Variants in RAP1GAP2 observed in about 807,000 individuals in gnomAD.
The protein encoded by RAP1GAP2 is RAP1 GTPase activating protein 2, also known as rap1 GTPase-activating protein 2.
A neutral mutation model predicts 95.0 loss-of-function variants in RAP1GAP2; 27 were observed. That is an observed-to-expected ratio of 0.28 (90% CI 0.21 to 0.39). The LOEUF (loss-of-function observed/expected upper bound fraction) is 0.39, where lower values mean the gene tolerates loss of function less well. RAP1GAP2 is among the 10% of genes least tolerant of loss of function. RAP1GAP2 has a pLI of 1.00. For synonymous variants in RAP1GAP2, 373 were observed against 380.9 expected (o/e 0.98, Z 0.24); for missense variants, 771 against 970.0 (o/e 0.79, Z 2.72).
chr17:2,861,662 C>T (rs182879653), intron 2 of RAP1GAP2, among the ~76,000 whole-genome samples: 163 of 136,822 alleles, frequency 1.2e-3, no homozygotes, highest in Admixed American at 4.6e-3. Context: ...GGGGGGGGGA[C>T]GGAGTCTCGC....
chr17:2,871,476 G>A lies in RAP1GAP2; in HGVS notation c.81-33808G>A, dbSNP rs1163076546. ...AGTGGTGTTGTGTTACAAGAGTCCT[G>A]TCCAGCGGGAGAGGGGCAGTTCCCT... On this transcript the variant is annotated intron_variant, in intron 2 of 24. Coordinates refer to ENST00000254695, the MANE Select transcript of RAP1GAP2 (RefSeq NM_015085.5). The surrounding 1 kb of genome is among the most constrained non-coding windows in gnomAD (Gnocchi z 5.0). Among the ~76,000 whole-genome samples the A allele has an allele frequency of 6.6e-6, 1 of 152,180 alleles. No individual in the cohort carries two copies. Among genetic ancestry groups the A allele is most frequent in the Non-Finnish European group, 1.5e-5 (1 of 68,038 alleles).
chr17:2,940,084 T>C (rs748454642), intron 3 of RAP1GAP2, among the ~76,000 whole-genome samples: 8 of 152,020 alleles, frequency 5.3e-5, no homozygotes, highest in African/African-American at 1.2e-4. Flanking sequence ...TTTTCGTGAG[T>C]GTCCCTGGGC....
At chr17:2,905,460 C>A in intron 3 of RAP1GAP2, 92 bp downstream of exon 3, 1 of 1,281,442 alleles carries the variant, frequency 7.8e-7, no homozygotes, top group Non-Finnish European at 1.1e-6. Context: ...CCAGCAGCGT[C>A]CGTCGCAGTG....
Position 3,026,991 on chromosome 17 carries a change from C to G in RAP1GAP2, c.2028C>G (p.Val676=), listed in dbSNP as rs1487370230. The G allele has an allele frequency of 6.4e-7, 1 of 1,557,734 alleles. No homozygotes were observed. The highest frequency in any genetic ancestry group is 1.4e-5 in the African/African-American group (1 of 73,432). Residue 676 remains valine (V), a synonymous_variant, in exon 22 of 25, where the codon GTC becomes GTG. Transcript: ENST00000254695. ...TTSPFKQEVF[V]YSPSPSSESP... The stretch of plus-strand genomic sequence containing the variant: ...CACCCTTCAAGCAGGAGGTGTTTGT[C>G]TACAGCCCGTCCCCGAGCAGCGAGA...
At chr17:2,767,478 C>G (rs775241794) in intron 1 of RAP1GAP2, among the ~76,000 whole-genome samples, 2 of 151,866 alleles carry the variant, frequency 1.3e-5, no homozygotes, top group South Asian at 4.1e-4. Context: ...TCTCTCTTCC[C>G]CCAACCCAGG....
chr17:2,775,318 G>A (rs541134106), upstream of RAP1GAP2, among the ~76,000 whole-genome samples: 53 of 152,282 alleles, frequency 3.5e-4, no homozygotes, highest in African/African-American at 1.2e-3. Context: ...TGACCAGCGT[G>A]CTGAAGAAAC....
intron 2 of RAP1GAP2, among the ~76,000 whole-genome samples, chr17:2,853,327 T>A (rs1012850440): frequency 6.7e-6 from 1 of 150,092 alleles, no homozygotes; most frequent in African/African-American, 2.5e-5. Flanking sequence ...GCGCGGGCAG[T>A]TTCGTTTGGA....
Position 2,914,622 on chromosome 17 carries a change from C to G in RAP1GAP2, c.165+9254C>G, listed in dbSNP as rs570767842. Among the ~76,000 whole-genome samples, 328 of 152,080 alleles carry G rather than the reference C, an allele frequency of 2.2e-3. 2 individuals are homozygous for G. Among genetic ancestry groups the G allele is most frequent in the African/African-American group, 7.3e-3 (303 of 41,494 alleles). ...TCTCCTGCCTCAGCCTCCCGAGTAG[C>G]TGGGACTACAGGCGCCCGCCACCAC... On this transcript the variant is annotated intron_variant, in intron 3 of 24. Coordinates refer to ENST00000254695, the MANE Select transcript of RAP1GAP2 (RefSeq NM_015085.5).
intron 2 of RAP1GAP2, among the ~76,000 whole-genome samples, chr17:2,821,161 ATGCG>A (rs2070287948): frequency 6.6e-6 from 1 of 151,984 alleles, no homozygotes; most frequent in Non-Finnish European, 1.5e-5. Context: ...AGGCCCAGGG[ATGCG>A]CTTCTCTTCA....
chr17:2,955,946 GTCTT>G (rs2044089457), intron 3 of RAP1GAP2, among the ~76,000 whole-genome samples: 1 of 152,212 alleles, frequency 6.6e-6, no homozygotes, highest in African/African-American at 2.4e-5. Context: ...GAGCCTGTCT[GTCTT>G]TGTGCACATT....
intron 8 of RAP1GAP2, among the ~76,000 whole-genome samples, chr17:2,966,140 C>T (rs557686017): frequency 6.6e-6 from 1 of 152,300 alleles, no homozygotes; most frequent in African/African-American, 2.4e-5. Flanking sequence ...GAAGCCAGGG[C>T]ACCTCTCTCT....
At position 2,816,236 on chromosome 17, in the gene RAP1GAP2, GT is replaced by G. The variant is rs771052650; in HGVS notation, c.80+15698del. ...CCATACAGAGGTGCTGTTTTGTTTTGTTTTTTTTTTTTCTTAGGATAATGAC... is the reference window on the plus strand; with the variant it reads ...CCATACAGAGGTGCTGTTTTGTTTTGTTTTTTTTTTTCTTAGGATAATGAC... On this transcript the variant is annotated intron_variant, in intron 2 of 24. Coordinates refer to ENST00000254695, the MANE Select transcript of RAP1GAP2 (RefSeq NM_015085.5). 5.8e-3 allele frequency among the ~76,000 whole-genome samples: 837 copies of G among 145,256 alleles called. 8 individuals carry two copies. Among genetic ancestry groups the G allele is most frequent in the African/African-American group, 0.016 (628 of 39,778 alleles).
chr17:2,913,775 A>G (rs930885229), intron 3 of RAP1GAP2, among the ~76,000 whole-genome samples: 2 of 152,210 alleles, frequency 1.3e-5, no homozygotes, highest in African/African-American at 4.8e-5. Flanking sequence ...AACCCCAGAA[A>G]GTTCCCATTG....
chr17:2,914,552 C>T (rs945409930), intron 3 of RAP1GAP2, among the ~76,000 whole-genome samples: 1 of 151,160 alleles, frequency 6.6e-6, no homozygotes, highest in East Asian at 2.0e-4. Context: ...GTGCAGTGGC[C>T]CGATCTCAGC....
chr17:2,806,373 C>T (rs553770732), intron 2 of RAP1GAP2, among the ~76,000 whole-genome samples: 1 of 79,202 alleles, frequency 1.3e-5, no homozygotes, highest in Non-Finnish European at 2.4e-5. Flanking sequence ...CTGCTACAAC[C>T]TTTTTATTAT....
intron 1 of RAP1GAP2, among the ~76,000 whole-genome samples, chr17:2,782,743 CG>C (rs1357955967): frequency 6.6e-6 from 1 of 152,134 alleles, no homozygotes; most frequent in Non-Finnish European, 1.5e-5. Context: ...TGGCCAGGCG[CG>C]GTGGCCCATG....
At chr17:2,786,904 C>T (rs547739777) in intron 1 of RAP1GAP2, among the ~76,000 whole-genome samples, 4 of 145,658 alleles carry the variant, frequency 2.7e-5, no homozygotes, top group African/African-American at 1.0e-4. Context: ...ACCTTGGCTT[C>T]CCAAACTGCT....
intron 17 of RAP1GAP2, among the ~76,000 whole-genome samples, chr17:3,015,686 G>T (rs563903012): frequency 6.6e-6 from 1 of 152,018 alleles, no homozygotes; most frequent in African/African-American, 2.4e-5. Flanking sequence ...GCATGGTTGC[G>T]GGCGCCTGTA....
intron 2 of RAP1GAP2, among the ~76,000 whole-genome samples, chr17:2,830,498 G>T (rs868052440): frequency 6.6e-6 from 1 of 152,092 alleles, no homozygotes; most frequent in African/African-American, 2.4e-5. Context: ...GGCAGATCAC[G>T]ATGTCAAGAG....
Sources: gnomAD v4.1 joint callset for allele counts (sites outside exome capture counted in the v4.1 genomes callset) on GRCh38, gnomAD v4.1.1 for gene constraint, Gnocchi (gnomAD v3.1) non-coding constraint, MANE v1.5 for transcripts, NCBI Gene and HGNC (gene_info 2026-07-23, HGNC 2026-07-21) for gene names.